FOXP1: variants seen among roughly 807,000 people sequenced by gnomAD.
FOXP1 encodes the protein forkhead box protein P1.
FOXP1 carries 15 observed loss-of-function variants against 98.2 expected under a neutral mutation model. That is an observed-to-expected ratio of 0.15 (90% CI 0.10 to 0.24). The LOEUF is 0.24. Among genes scored for constraint, FOXP1 ranks in the 10% least tolerant of loss-of-function variants. The probability of loss-of-function intolerance (pLI) is 1.00; values close to 1 mark genes in which losing one functional copy is unlikely to be tolerated. For synonymous variants in FOXP1, 371 were observed against 314.5 expected (o/e 1.18, Z -1.90); for missense variants, 633 against 848.5 (o/e 0.75, Z 3.15).
At chr3:71,303,518 T>G (rs940041940) in intron 4 of FOXP1, among the ~76,000 whole-genome samples, 2 of 152,234 alleles carry the variant, frequency 1.3e-5, no homozygotes, top group African/African-American at 4.8e-5. Context: ...AAGAGTTTGC[T>G]GCCTCTTTAA....
intron 20 of FOXP1, among the ~76,000 whole-genome samples, chr3:70,960,253 C>G (rs948426602): frequency 2.0e-5 from 3 of 152,090 alleles, no homozygotes; most frequent in Non-Finnish European, 4.4e-5. Context: ...GGAAAAGGCT[C>G]GCTCAACACA....
chr3:71,359,922 A>G (rs1044521931), intron 3 of FOXP1, among the ~76,000 whole-genome samples: 2 of 152,056 alleles, frequency 1.3e-5, no homozygotes, highest in Admixed American at 6.6e-5. Flanking sequence ...CCTCCCGAGT[A>G]GCTGGGATTA....
At chr3:71,547,121 G>A (rs1318670615) in intron 2 of FOXP1, among the ~76,000 whole-genome samples, 7 of 152,124 alleles carry the variant, frequency 4.6e-5, no homozygotes, top group African/African-American at 9.7e-5. Context: ...AGGTTCAAGG[G>A]GGAATTCAAT....
chr3:71,313,407 C>T (rs1207617580), intron 4 of FOXP1, among the ~76,000 whole-genome samples: 4 of 152,058 alleles, frequency 2.6e-5, no homozygotes, highest in African/African-American at 9.7e-5. Context: ...TGATTGTTAT[C>T]TACCTATTCA....
chr3:71,159,301 C>G (rs1227235098), intron 6 of FOXP1, among the ~76,000 whole-genome samples: 1 of 151,758 alleles, frequency 6.6e-6, no homozygotes, highest in Non-Finnish European at 1.5e-5. Context: ...AATGGAGCCT[C>G]CGAGGAAAGG....
chr3:71,066,325 T>C (rs1457223900), intron 7 of FOXP1, among the ~76,000 whole-genome samples: 3 of 152,152 alleles, frequency 2.0e-5, no homozygotes, highest in African/African-American at 7.2e-5. Flanking sequence ...ACCATCAAAG[T>C]ATGATCAGAT....
chr3:71,348,735 A>G (rs1199293789), intron 4 of FOXP1, among the ~76,000 whole-genome samples: 1 of 152,018 alleles, frequency 6.6e-6, no homozygotes, highest in Non-Finnish European at 1.5e-5. Context: ...CTTGAGGGGT[A>G]ATTAACACAG....
chr3:71,001,231 A>G (rs754590860), intron 12 of FOXP1, among the ~76,000 whole-genome samples, 172 bp from the exon 13 acceptor site: 1 of 152,178 alleles, frequency 6.6e-6, no homozygotes, highest in Non-Finnish European at 1.5e-5. Flanking sequence ...CATTATGTAT[A>G]ATGTGGCACA....
intron 2 of FOXP1, among the ~76,000 whole-genome samples, chr3:71,507,582 C>CTT (rs1209581927): frequency 1.9e-4 from 28 of 144,490 alleles, no homozygotes; most frequent in Admixed American, 2.1e-4. Context: ...TGCAAAACTG[C>CTT]TTTTTTTTTT....
At chr3:71,337,933 C>T (rs1378588005) in intron 4 of FOXP1, among the ~76,000 whole-genome samples, 1 of 152,206 alleles carries the variant, frequency 6.6e-6, no homozygotes, top group Non-Finnish European at 1.5e-5. Flanking sequence ...CCGTTATACA[C>T]AAGGAGGACG....
intron 2 of FOXP1, among the ~76,000 whole-genome samples, chr3:71,553,709 T>C (rs1032952900): frequency 2.6e-5 from 4 of 152,202 alleles, no homozygotes; most frequent in African/African-American, 7.2e-5. Flanking sequence ...AGAGTGCACA[T>C]TTACAAAAGT....
intron 3 of FOXP1, among the ~76,000 whole-genome samples, chr3:71,397,274 C>T (rs2081598887): frequency 6.6e-6 from 1 of 151,408 alleles, no homozygotes; most frequent in Admixed American, 6.6e-5. Flanking sequence ...TCGGAAGGAA[C>T]GAGATCTAAC....
intron 12 of FOXP1, among the ~76,000 whole-genome samples, chr3:71,002,293 A>G (rs1040444634): frequency 1.3e-5 from 2 of 152,232 alleles, no homozygotes; most frequent in Non-Finnish European, 2.9e-5. Flanking sequence ...CAAAACGGAT[A>G]CAAATTCTGC....
intron 7 of FOXP1, among the ~76,000 whole-genome samples, chr3:71,067,410 G>A (rs756723360): frequency 7.2e-5 from 11 of 152,082 alleles, no homozygotes; most frequent in South Asian, 2.1e-4. Context: ...AGAAGACTTC[G>A]TTAAAACCAT....
At chr3:71,192,483 C>A (rs904839998) in intron 6 of FOXP1, among the ~76,000 whole-genome samples, 1 of 152,200 alleles carries the variant, frequency 6.6e-6, no homozygotes, top group African/African-American at 2.4e-5. Flanking sequence ...ACAGCTATTT[C>A]TTGCAGGCAT....
chr3:71,572,819 C>G (rs1261687874), intron 2 of FOXP1: 1 of 152,162 alleles, frequency 6.6e-6, no homozygotes, highest in African/African-American at 2.4e-5. Context: ...ACTCTTTGTT[C>G]CTTTTTTGTG....
At chr3:71,190,474 CA>C (rs10713146) in intron 6 of FOXP1, among the ~76,000 whole-genome samples, 48,024 of 146,000 alleles carry the variant, frequency 0.33, 10,582 homozygotes, top group African/African-American at 0.64. Context: ...AAAACAACAA[CA>C]AAAAAAAAAC....
chr3:71,036,295 G>A (rs17043897), intron 11 of FOXP1, among the ~76,000 whole-genome samples: 1 of 152,132 alleles, frequency 6.6e-6, no homozygotes, highest in Non-Finnish European at 1.5e-5. Flanking sequence ...TGACTGAAGA[G>A]AGCATAGGTT....
intron 3 of FOXP1, among the ~76,000 whole-genome samples, chr3:71,397,088 A>ATATATATATACACATATATGTG: frequency 1.5e-4 from 1 of 6,492 alleles, no homozygotes; most frequent in East Asian, 5.3e-3. Context: ...ATATATGTGT[A>ATATATATATACACATATATGTG]TATATATATA....
Sources: allele counts gnomAD v4.1 joint callset (sites outside exome capture counted in the v4.1 genomes callset), GRCh38; gene constraint gnomAD v4.1.1; transcripts MANE v1.5; gene names NCBI Gene and HGNC (gene_info 2026-07-23, HGNC 2026-07-21).